DGKI: variants seen among roughly 807,000 people sequenced by gnomAD.
The protein encoded by DGKI is diacylglycerol kinase iota.
DGKI carries 55 observed loss-of-function variants against 147.5 expected under a neutral mutation model. The observed-to-expected ratio is 0.37, with a 90% CI of 0.30 to 0.47. The LOEUF (loss-of-function observed/expected upper bound fraction) is 0.47. Among genes scored for constraint, DGKI ranks in the 20% least tolerant of loss-of-function variants. DGKI has a pLI of 1.00. For synonymous variants in DGKI, 469 were observed against 477.1 expected (o/e 0.98, Z 0.22); for missense variants, 1,007 against 1,323.8 (o/e 0.76, Z 3.71).
chr7:137,738,813 A>G (rs1585428509), intron 1 of DGKI, among the ~76,000 whole-genome samples: 1 of 149,788 alleles, frequency 6.7e-6, no homozygotes, highest in South Asian at 2.1e-4. Flanking sequence ...CTTTGATACA[A>G]TTTTGAAAGT....
intron 1 of DGKI, among the ~76,000 whole-genome samples, chr7:137,777,375 A>G (rs1309853130): frequency 6.6e-6 from 1 of 152,206 alleles, no homozygotes; most frequent in Non-Finnish European, 1.5e-5. Context: ...AAAGTATGCA[A>G]TGCCTATATG....
chr7:137,715,923 G>C (rs538551549), intron 1 of DGKI, among the ~76,000 whole-genome samples: 3 of 152,282 alleles, frequency 2.0e-5, no homozygotes, highest in South Asian at 2.1e-4. Context: ...TGTCAAGAGG[G>C]GAAAGCAGAG....
At chr7:137,548,756 C>G (rs888226179) in intron 20 of DGKI, among the ~76,000 whole-genome samples, 16 of 152,110 alleles carry the variant, frequency 1.1e-4, no homozygotes, top group African/African-American at 3.9e-4. Flanking sequence ...TCACTTGAGC[C>G]CAGGACTTCG....
intron 3 of DGKI, among the ~76,000 whole-genome samples, chr7:137,672,766 C>CCT (rs1374893677): frequency 4.6e-5 from 3 of 65,664 alleles, no homozygotes; most frequent in Non-Finnish European, 2.6e-5. Context: ...CTCTGTGTGT[C>CCT]TTTTTTTTTT....
intron 28 of DGKI, among the ~76,000 whole-genome samples, chr7:137,431,819 T>C (rs962732480): frequency 3.9e-5 from 6 of 152,158 alleles, no homozygotes; most frequent in African/African-American, 1.4e-4. Flanking sequence ...CTCCAAACCA[T>C]GGCTTTTGGC....
At chr7:137,409,014 A>G (rs912809642) in intron 29 of DGKI, among the ~76,000 whole-genome samples, 1 of 152,234 alleles carries the variant, frequency 6.6e-6, no homozygotes, top group Admixed American at 6.5e-5. Flanking sequence ...AATGACCTAA[A>G]TGCAAAGAAT....
chr7:137,727,432 C>G (rs1794748253), intron 1 of DGKI, among the ~76,000 whole-genome samples: 1 of 152,208 alleles, frequency 6.6e-6, no homozygotes, highest in Non-Finnish European at 1.5e-5. Context: ...TTTTGCCCTT[C>G]TGCAAAGCTT....
chr7:137,512,205 A>G (rs1473397802), intron 21 of DGKI, among the ~76,000 whole-genome samples: 1 of 152,234 alleles, frequency 6.6e-6, no homozygotes, highest in Non-Finnish European at 1.5e-5. Context: ...GAGAAAATAT[A>G]TAATTTCTTA....
chr7:137,664,798 A>T (rs952499592), intron 3 of DGKI, among the ~76,000 whole-genome samples: 2 of 152,234 alleles, frequency 1.3e-5, no homozygotes, highest in Non-Finnish European at 2.9e-5. Flanking sequence ...ACAGACAACA[A>T]ACAAGAGAGA....
chr7:137,532,843 CT>C, intron 20 of DGKI, among the ~76,000 whole-genome samples: 1 of 152,186 alleles, frequency 6.6e-6, no homozygotes, highest in East Asian at 1.9e-4. Context: ...TTCTTCTTGT[CT>C]TTGTAAAAAT....
At chr7:137,466,322 C>A (rs1379501940) in intron 25 of DGKI, among the ~76,000 whole-genome samples, 1 of 152,210 alleles carries the variant, frequency 6.6e-6, no homozygotes, top group East Asian at 1.9e-4. Flanking sequence ...GTGACACCCA[C>A]ATACAATTGG....
At chr7:137,666,268 T>C (rs572883856) in intron 3 of DGKI, among the ~76,000 whole-genome samples, 1 of 152,328 alleles carries the variant, frequency 6.6e-6, no homozygotes, top group East Asian at 1.9e-4. Flanking sequence ...AACAGAAATC[T>C]ACAGCAAGCC....
At chr7:137,473,081 G>T (rs1815042200) in intron 23 of DGKI, among the ~76,000 whole-genome samples, 1 of 152,122 alleles carries the variant, frequency 6.6e-6, no homozygotes, top group Non-Finnish European at 1.5e-5. Context: ...GACTACCACA[G>T]GTTGGTAAGG....
chr7:137,841,661 C>T (rs1432892315), intron 1 of DGKI, among the ~76,000 whole-genome samples: 1 of 152,200 alleles, frequency 6.6e-6, no homozygotes, highest in Admixed American at 6.5e-5. Flanking sequence ...ACAGTGTACT[C>T]AACTTCAAGG....
At chr7:137,550,576 G>GA (rs5887843) in intron 20 of DGKI, among the ~76,000 whole-genome samples, 16,600 of 151,946 alleles carry the variant, frequency 0.11, 2,045 homozygotes, top group African/African-American at 0.3. Flanking sequence ...AGTACAAAAA[G>GA]AAAAAAATTC....
intron 5 of DGKI, among the ~76,000 whole-genome samples, chr7:137,653,852 T>C (rs1213904728): frequency 3.3e-5 from 5 of 152,182 alleles, no homozygotes; most frequent in African/African-American, 1.2e-4. Context: ...ATGCTAATGT[T>C]TGGGAGGCAG....
In DGKI at chr7:137,381,288, A is replaced by AC. The variant is rs1190871120; in HGVS notation, c.*9931dup. On this transcript the variant is annotated 3_prime_UTR_variant, in exon 33 of 33. Coordinates refer to ENST00000614521, the MANE Select transcript of DGKI (RefSeq NM_001321708.2). ...ACTTCATTCTTCCCTTTCCCATCCCACCCCCCCCCCCCCACCCACCCTCCC... is the reference window on the plus strand; with the variant it reads ...ACTTCATTCTTCCCTTTCCCATCCCACCCCCCCCCCCCCCACCCACCCTCCC... The AC allele has an allele frequency of 3.9e-3, 36 of 9,122 alleles. No homozygotes were observed. Among genetic ancestry groups the AC allele is most frequent in the Middle Eastern group, 0.083 (1 of 12 alleles). The allele number at this position is 9,122 out of a possible 1,614,324, so 0.6% of individuals were successfully genotyped here. A position where few individuals can be genotyped will look rare whatever the true frequency, so the allele number is the denominator to read the frequency against.
At chr7:137,813,132 C>T (rs1337087397) in intron 1 of DGKI, among the ~76,000 whole-genome samples, 1 of 152,196 alleles carries the variant, frequency 6.6e-6, no homozygotes, top group Non-Finnish European at 1.5e-5. Context: ...TCCACCCACA[C>T]AGGAACAGAC....
chr7:137,686,499 A>G (rs549353178), intron 2 of DGKI, among the ~76,000 whole-genome samples: 2 of 152,362 alleles, frequency 1.3e-5, no homozygotes, highest in South Asian at 4.1e-4. Context: ...TGTGGGACAG[A>G]GAATCCTAAA....
Sources: allele counts gnomAD v4.1 joint callset (sites outside exome capture counted in the v4.1 genomes callset), GRCh38; gene constraint gnomAD v4.1.1; transcripts MANE v1.5; gene names NCBI Gene and HGNC (gene_info 2026-07-23, HGNC 2026-07-21).